Variants in IL18R1 observed in about 807,000 individuals in gnomAD.
IL18R1 encodes interleukin 18 receptor 1.
Under a neutral mutation model 48.5 loss-of-function variants are expected in IL18R1, and 40 were observed. The observed-to-expected ratio is 0.82, with a 90% confidence interval of 0.64 to 1.07. The LOEUF is 1.07. Ranked by LOEUF, IL18R1 falls within the 50% of genes least tolerant of loss-of-function variation. IL18R1 has a pLI of 0.00. For missense variants in IL18R1, 596 were observed against 633.7 expected (o/e 0.94, Z 0.64); for synonymous variants, 232 against 225.9 (o/e 1.03, Z -0.24).
At position 102,371,959 on chromosome 2, in the gene IL18R1, T is replaced by A. The variant is rs776299372; in HGVS notation, c.309T>A (p.Tyr103Ter). ...TGSYFFQMKN[Y>*]TQKWKLNVIR... ...TTACACTTTTATTCCATAGAAATTATACTCAGAAATGGAAATTAAATGTCA... is the reference window on the plus strand; with the variant it reads ...TTACACTTTTATTCCATAGAAATTAAACTCAGAAATGGAAATTAAATGTCA... The change falls in exon 4 of 11, where the codon TAT (tyrosine) becomes TAA (stop). Residue 103 changes from tyrosine (Y) to a stop codon, truncating the protein, a stop_gained. Coordinates refer to ENST00000233957, the MANE Select transcript of IL18R1 (RefSeq NM_003855.5). LOFTEE classifies it high-confidence loss of function. 1 of 1,524,832 alleles carries A rather than the reference T, an allele frequency of 6.6e-7. No individual in the cohort carries two copies. The highest frequency in any genetic ancestry group is 8.9e-7 in the Non-Finnish European group (1 of 1,118,228). The allele number at this position is 1,524,832 out of a possible 1,614,324, so 94.5% of individuals were successfully genotyped here. A position where few individuals can be genotyped will look rare whatever the true frequency, so the allele number is the denominator to read the frequency against.
At chr2:102,396,245 A>G (rs986784590) in intron 10 of IL18R1, among the ~76,000 whole-genome samples, 4 of 152,160 alleles carry the variant, frequency 2.6e-5, no homozygotes, top group African/African-American at 9.7e-5. Flanking sequence ...GGAGGTGATA[A>G]CAGTATCTTC....
chr2:102,384,144 T>C (rs536873240), intron 6 of IL18R1, among the ~76,000 whole-genome samples: 34 of 152,346 alleles, frequency 2.2e-4, no homozygotes, highest in Admixed American at 3.9e-4. Context: ...TGTAGGTATG[T>C]TCACTCCAAT....
intron 6 of IL18R1, 102 bp from the exon 7 acceptor site, chr2:102,384,776 C>T: frequency 1.5e-6 from 2 of 1,290,358 alleles, no homozygotes; most frequent in Non-Finnish European, 2.2e-6. Context: ...GGATGGAGCA[C>T]CACGTTTTGC....
chr2:102,387,355 C>T (rs1439886215), intron 8 of IL18R1, among the ~76,000 whole-genome samples: 2 of 152,260 alleles, frequency 1.3e-5, no homozygotes, highest in African/African-American at 4.8e-5. Context: ...TGCAGATCTG[C>T]GTGGGGTGAG....
Position 102,376,080 on chromosome 2 carries a change from A to G in IL18R1, c.625+17A>G, listed in dbSNP as rs1306680239. 1 of 1,543,668 alleles carries G rather than the reference A, an allele frequency of 6.5e-7. No homozygotes were observed. Among genetic ancestry groups the G allele is most frequent in the African/African-American group, 1.4e-5 (1 of 71,362 alleles). The stretch of plus-strand genomic sequence containing the variant: ...TAGTGGAAGGTAAGGGAAATCTTAG[A>G]ATTGGGAAGAAACAGACGTATTTTA... On this transcript the variant is annotated intron_variant, in intron 5 of 10. Coordinates refer to ENST00000233957, the MANE Select transcript of IL18R1 (RefSeq NM_003855.5).
At chr2:102,390,934 CA>C (rs57709990) in intron 9 of IL18R1, among the ~76,000 whole-genome samples, 25 of 80,238 alleles carry the variant, frequency 3.1e-4, no homozygotes, top group East Asian at 1.1e-3. Context: ...GACTCCGTCT[CA>C]AAAAAAAAAA....
In IL18R1 at chr2:102,367,887, T is replaced by C. The variant is rs760423365; in HGVS notation, c.121T>C (p.Cys41Arg). The C allele has an allele frequency of 2.5e-6, 4 of 1,614,028 alleles. No individual in the cohort carries two copies. The highest frequency in any genetic ancestry group is 3.4e-6 in the Non-Finnish European group (4 of 1,179,878). The change falls in exon 3 of 11, where the codon TGC (cysteine) becomes CGC (arginine). Residue 41 changes from cysteine to arginine, a missense_variant. By Grantham distance (180) the Cys-to-Arg change is radical (BLOSUM62 -3). Around this residue, in one of 3 missense-constraint regions of IL18R1, gnomAD observed 360 missense variants for 339.4 expected, o/e 1.06. Transcript: ENST00000233957. Reference sequence around the variant, plus strand: ...AGGGGAACCTTTCTATCTGAAACATTGCTCGTGTTCACTTGCACATGAGAT... The same window carrying C: ...AGGGGAACCTTTCTATCTGAAACATCGCTCGTGTTCACTTGCACATGAGAT... ...VEGEPFYLKHCSCSLAHEIET... is the reference protein window; with the variant it reads ...VEGEPFYLKHRSCSLAHEIET...
Position 102,362,665 on chromosome 2 carries a change from AT to A in IL18R1, c.7del (p.Cys3ValfsTer6), listed in dbSNP as rs1260873221. On this transcript the variant is annotated frameshift_variant, in exon 2 of 11. Coordinates refer to ENST00000233957, the MANE Select transcript of IL18R1 (RefSeq NM_003855.5). LOFTEE classifies it high-confidence loss of function. M[N>X]CRELPLTLWV... ...ATTTGAAGCAGAATCCAAACCATGA[AT>A]TGTAGAGAATTACCCTTGACCCTTT... The A allele has an allele frequency of 6.2e-7, 1 of 1,604,868 alleles. No homozygotes were observed. Among genetic ancestry groups the A allele is most frequent in the Non-Finnish European group, 8.5e-7 (1 of 1,177,180 alleles).
At chr2:102,374,227 C>A (rs188481672) in intron 4 of IL18R1, among the ~76,000 whole-genome samples, 75 of 152,182 alleles carry the variant, frequency 4.9e-4, no homozygotes, top group Non-Finnish European at 9.6e-4. Context: ...ATGACTCTGT[C>A]GTGGAAACTT....
chr2:102,378,889 G>A (rs1039005272), intron 5 of IL18R1, among the ~76,000 whole-genome samples: 2 of 152,214 alleles, frequency 1.3e-5, no homozygotes, highest in African/African-American at 4.8e-5. Context: ...CTTGGAGTTG[G>A]GGAAGACAGC....
At chr2:102,367,622 C>T (rs1218110850) in intron 2 of IL18R1, among the ~76,000 whole-genome samples, 1 of 152,050 alleles carries the variant, frequency 6.6e-6, no homozygotes, top group African/African-American at 2.4e-5. Context: ...GTGTTTTCAT[C>T]TATGTTCTGA....
rs758228602 is a variant in IL18R1, at chr2:102,372,095, G to A, written c.445G>A (p.Val149Ile). The A allele has an allele frequency of 1.2e-6, 2 of 1,601,224 alleles. No individual in the cohort carries two copies. Among genetic ancestry groups the A allele is most frequent in the South Asian group, 1.1e-5 (1 of 87,870 alleles). ...TCENSYYQTL[V>I]NSTSLYKNCK... is the part of the protein sequence containing the mutation. Reference sequence around the variant, plus strand: ...TGAAAACAGTTACTATCAAACACTGGTCAACAGCACATCATTGTATAAGGT... The same window carrying A: ...TGAAAACAGTTACTATCAAACACTGATCAACAGCACATCATTGTATAAGGT... Residue 149 changes from valine to isoleucine, a missense_variant, in exon 4 of 11, where the codon GTC becomes ATC. By Grantham distance (29) the Val-to-Ile change is conservative (BLOSUM62 3). Coordinates refer to ENST00000233957, the MANE Select transcript of IL18R1 (RefSeq NM_003855.5).
chr2:102,358,217 A>C (rs1465774130), intron 1 of IL18R1, among the ~76,000 whole-genome samples: 1 of 152,094 alleles, frequency 6.6e-6, no homozygotes, highest in East Asian at 1.9e-4. Flanking sequence ...TTCCCTGTAC[A>C]TTATGTGTTT....
chr2:102,377,443 T>C (rs1215619605), intron 5 of IL18R1, among the ~76,000 whole-genome samples: 1 of 152,134 alleles, frequency 6.6e-6, no homozygotes, highest in African/African-American at 2.4e-5. Context: ...GCCTCCCGAG[T>C]AGCTGGGACT....
intron 2 of IL18R1, among the ~76,000 whole-genome samples, chr2:102,366,290 G>T (rs1420129354): frequency 6.6e-6 from 1 of 152,122 alleles, no homozygotes; most frequent in East Asian, 1.9e-4. Context: ...AGGGCAAAAT[G>T]CAACTAATCT....
chr2:102,376,482 A>G (rs577486030), intron 5 of IL18R1, among the ~76,000 whole-genome samples: 1 of 152,352 alleles, frequency 6.6e-6, no homozygotes, highest in African/African-American at 2.4e-5. Context: ...ATTTGATTCT[A>G]ATCAGGAGAG....
intron 4 of IL18R1, 139 bp downstream of exon 4, chr2:102,372,257 C>A: frequency 1.7e-6 from 1 of 604,552 alleles, no homozygotes; most frequent in Non-Finnish European, 2.8e-6. Context: ...CTGTTTGAGC[C>A]AAGTATCCTC....
chr2:102,376,039 AC>A lies in IL18R1; in HGVS notation c.603del (p.Phe202SerfsTer3). The A allele has an allele frequency of 6.3e-7, 1 of 1,595,992 alleles. No homozygotes were observed. The highest frequency in any genetic ancestry group is 8.5e-7 in the Non-Finnish European group (1 of 1,174,264). Reference sequence around the variant, plus strand: ...TGGAAAACTATTTAATATCACCAAAACCTTCAATATAACAATAGTGGAAGGT... The same window carrying A: ...TGGAAAACTATTTAATATCACCAAAACTTCAATATAACAATAGTGGAAGGT... ...HNGKLFNITK[T>X]FNITIVEDRS... On this transcript the variant is annotated frameshift_variant, in exon 5 of 11. Transcript: ENST00000233957. LOFTEE classifies it high-confidence loss of function.
chr2:102,397,229 A>ATCTT lies in IL18R1; in HGVS notation c.*345_*348dup, dbSNP rs1352182603. 4.8e-6 allele frequency: 1 copy of ATCTT among 209,536 alleles called. No homozygotes were observed. The highest frequency in any genetic ancestry group is 9.4e-6 in the Non-Finnish European group (1 of 106,050). The allele number at this position is 209,536 out of a possible 1,614,324, so 13.0% of individuals were successfully genotyped here. On this transcript the variant is annotated 3_prime_UTR_variant, in exon 11 of 11. Coordinates refer to ENST00000233957, the MANE Select transcript of IL18R1 (RefSeq NM_003855.5). ...AACCGATGCCCTACAAAAAGGGCGC[A>ATCTT]TCTTTAAGAGTTTTAATGCCAGTGC...
Sources: allele counts gnomAD v4.1 joint callset (sites outside exome capture counted in the v4.1 genomes callset), GRCh38; gene constraint gnomAD v4.1.1; regional missense constraint gnomAD v4.1.1; transcripts MANE v1.5; gene names NCBI Gene and HGNC (gene_info 2026-07-23, HGNC 2026-07-21).